PCDHA8: variants seen among roughly 807,000 people sequenced by gnomAD.
PCDHA8 encodes the protein protocadherin alpha 8, also known as protocadherin alpha-8.
PCDHA8 carries 53 observed loss-of-function variants against 61.8 expected under a neutral mutation model. The observed-to-expected ratio is 0.86, with a 90% CI of 0.69 to 1.08. PCDHA8 has a LOEUF of 1.08. Among genes scored for constraint, PCDHA8 ranks in the 50% least tolerant of loss-of-function variants. The pLI is 0.00. For missense variants in PCDHA8, 1,293 were observed against 1,245.0 expected (o/e 1.04, Z -0.58); for synonymous variants, 618 against 556.6 (o/e 1.11, Z -1.55).
intron 3 of PCDHA8, among the ~76,000 whole-genome samples, chr5:141,000,226 G>A (rs2097897321): frequency 6.6e-6 from 1 of 151,546 alleles, no homozygotes; most frequent in Non-Finnish European, 1.5e-5. Context: ...TGCCTGTGTG[G>A]AGCTGAATGT....
At chr5:140,943,630 T>C (rs1224015760) in intron 1 of PCDHA8, among the ~76,000 whole-genome samples, 1 of 152,130 alleles carries the variant, frequency 6.6e-6, no homozygotes, top group Non-Finnish European at 1.5e-5. Flanking sequence ...ATAAGGAAGC[T>C]GGATTATGGA....
rs2150351918 is a variant in PCDHA8, at chr5:140,843,075, TG to T, written c.1757del (p.Gly586AlafsTer6). ...GCGAGCAAGCTGGTGCCGCGGTCTG[TG>T]GGCGCGGGCCACGTGGTAGCGAAGG... ...GAASKLVPRSVGAGHVVAKVR... is the reference protein window; with the variant it reads ...GAASKLVPRSXGAGHVVAKVR... On this transcript the variant is annotated frameshift_variant, in exon 1 of 4. Coordinates refer to ENST00000531613, the MANE Select transcript of PCDHA8 (RefSeq NM_018911.3). LOFTEE classifies it high-confidence loss of function. 2.6e-5 allele frequency: 42 copies of T among 1,595,158 alleles called. 6 individuals carry two copies. Among genetic ancestry groups the T allele is most frequent in the Non-Finnish European group, 1.6e-5 (19 of 1,165,272 alleles).
At chr5:140,946,374 CGGTT>C (rs1308149019) in intron 1 of PCDHA8, among the ~76,000 whole-genome samples, 6 of 151,656 alleles carry the variant, frequency 4.0e-5, no homozygotes, top group Non-Finnish European at 5.9e-5. Flanking sequence ...CTCTTGCACA[CGGTT>C]GGTAGGAATG....
chr5:140,870,055 G>A (rs868919509), intron 1 of PCDHA8: 6 of 1,613,774 alleles, frequency 3.7e-6, no homozygotes, highest in Non-Finnish European at 5.1e-6. Context: ...TTATAAAATT[G>A]AAGTACAGGC....
chr5:140,960,417 A>G (rs1340642372), intron 1 of PCDHA8, among the ~76,000 whole-genome samples: 10 of 152,218 alleles, frequency 6.6e-5, no homozygotes, highest in African/African-American at 1.9e-4. Flanking sequence ...CAAAAAGTCA[A>G]CAATTACTTG....
At chr5:140,941,216 T>TTTCTTTCTTTCC (rs782179127) in intron 1 of PCDHA8, among the ~76,000 whole-genome samples, 13 of 124,948 alleles carry the variant, frequency 1.0e-4, no homozygotes, top group Non-Finnish European at 1.8e-4. Context: ...TCTTTCTTCC[T>TTTCTTTCTTTCC]TTCTTTCTTT....
intron 1 of PCDHA8, among the ~76,000 whole-genome samples, chr5:140,962,851 C>T (rs2095713637): frequency 1.3e-5 from 2 of 152,114 alleles, no homozygotes; most frequent in South Asian, 4.1e-4. Flanking sequence ...ATAACTTGTG[C>T]TCGGTTTGTA....
At chr5:140,946,151 C>T (rs943826321) in intron 1 of PCDHA8, among the ~76,000 whole-genome samples, 6 of 151,694 alleles carry the variant, frequency 4.0e-5, no homozygotes, top group East Asian at 1.9e-4. Context: ...ACAAATAACA[C>T]GATTTAAAAG....
At chr5:140,916,363 T>C (rs2077541371) in intron 1 of PCDHA8, among the ~76,000 whole-genome samples, 2 of 152,124 alleles carry the variant, frequency 1.3e-5, no homozygotes, top group African/African-American at 4.8e-5. Context: ...GAAGGAGTCT[T>C]TCACTGTAGC....
chr5:140,875,695 C>T (rs782520558), intron 1 of PCDHA8: 4 of 1,613,962 alleles, frequency 2.5e-6, no homozygotes, highest in East Asian at 2.2e-5. Context: ...CGGGGACCTT[C>T]TGGAGGTAAA....
intron 1 of PCDHA8, chr5:140,851,460 T>A (rs1270613439): frequency 1.0e-5 from 9 of 901,620 alleles, no homozygotes; most frequent in Non-Finnish European, 1.2e-5. Flanking sequence ...GGAATCAAAT[T>A]ATGTCAATAA....
chr5:140,913,552 T>A (rs1474729453), intron 1 of PCDHA8, among the ~76,000 whole-genome samples: 1 of 152,166 alleles, frequency 6.6e-6, no homozygotes, highest in African/African-American at 2.4e-5. Context: ...GTTTTGTTGA[T>A]CTCTTGTATT....
At chr5:140,858,413 A>T (rs150984635) in intron 1 of PCDHA8, 1 of 1,562,352 alleles carries the variant, frequency 6.4e-7, no homozygotes. Flanking sequence ...AGATCAGTCT[A>T]TTGGAGGGGA....
At chr5:140,875,546 AGGTGGGGAGCG>A in intron 1 of PCDHA8, 1 of 1,614,002 alleles carries the variant, frequency 6.2e-7, no homozygotes, top group Non-Finnish European at 8.5e-7. Context: ...GCAGCCTGGG[AGGTGGGGAGCG>A]GCCAGCTCCA....
intron 1 of PCDHA8, chr5:140,853,122 T>A: frequency 1.9e-6 from 1 of 528,258 alleles, no homozygotes; most frequent in Non-Finnish European, 2.5e-6. Flanking sequence ...CTCATGATCC[T>A]CCCGCCTCAG....
At chr5:140,886,742 C>T (rs2061110620) in intron 1 of PCDHA8, among the ~76,000 whole-genome samples, 1 of 149,008 alleles carries the variant, frequency 6.7e-6, no homozygotes, top group Non-Finnish European at 1.5e-5. Flanking sequence ...AAGAGAATTG[C>T]TTGAACCCGG....
chr5:140,933,780 T>G (rs1404194841), intron 1 of PCDHA8, among the ~76,000 whole-genome samples: 2 of 152,124 alleles, frequency 1.3e-5, no homozygotes, highest in Non-Finnish European at 2.9e-5. Flanking sequence ...TACAGTTTTC[T>G]TTGTAGGAAA....
chr5:140,942,439 A>G (rs1554214983), intron 1 of PCDHA8, among the ~76,000 whole-genome samples: 1 of 152,082 alleles, frequency 6.6e-6, no homozygotes, highest in Non-Finnish European at 1.5e-5. Flanking sequence ...AACAATAAAC[A>G]AGTAAACTAT....
chr5:141,008,718 T>C (rs2098388409), intron 3 of PCDHA8, among the ~76,000 whole-genome samples: 1 of 152,230 alleles, frequency 6.6e-6, no homozygotes, highest in Non-Finnish European at 1.5e-5. Context: ...TGCTTGAGTG[T>C]ATGTCCAACT....
Sources: allele counts gnomAD v4.1 joint callset (sites outside exome capture counted in the v4.1 genomes callset), GRCh38; gene constraint gnomAD v4.1.1; transcripts MANE v1.5; gene names NCBI Gene and HGNC (gene_info 2026-07-23, HGNC 2026-07-21).